SEMA3D: variants seen among roughly 807,000 people sequenced by gnomAD.
SEMA3D encodes semaphorin-3D.
In SEMA3D, 84 loss-of-function variants were observed where a neutral mutation model predicts 100.1. The ratio of observed to expected loss-of-function variants is 0.84; its 90% confidence interval spans 0.70 to 1.01. The LOEUF is 1.01. Ranked by LOEUF, SEMA3D falls within the 50% of genes least tolerant of loss-of-function variation. SEMA3D has a pLI of 0.00. For missense variants in SEMA3D, 875 were observed against 934.1 expected, an observed-to-expected ratio of 0.94 and a Z score of 0.82; for synonymous variants, 312 against 320.7, an observed-to-expected ratio of 0.97 and a Z score of 0.29.
intron 15 of SEMA3D, among the ~76,000 whole-genome samples, chr7:85,017,888 A>G (rs2115824724): frequency 6.6e-6 from 1 of 151,824 alleles, no homozygotes; most frequent in East Asian, 2.0e-4. Context: ...GGCTGCCACC[A>G]CAGTTCATAT....
chr7:85,234,965 CT>C, the SEMA3D span, among the ~76,000 whole-genome samples: 5 of 152,124 alleles, frequency 3.3e-5, no homozygotes, highest in Non-Finnish European at 7.4e-5. Flanking sequence ...AACACTGATT[CT>C]TAAGGAATTT....
chr7:85,148,081 T>C (rs978873192), intron 2 of SEMA3D, among the ~76,000 whole-genome samples: 1 of 152,108 alleles, frequency 6.6e-6, no homozygotes, highest in African/African-American at 2.4e-5. Context: ...TTTAAAGGTA[T>C]GGAAACTTGA....
chr7:85,123,982 T>C (rs1233999738), intron 2 of SEMA3D, among the ~76,000 whole-genome samples: 1 of 152,052 alleles, frequency 6.6e-6, no homozygotes, highest in Non-Finnish European at 1.5e-5. Context: ...CAGCCCTTTA[T>C]GAAAATTTTA....
At chr7:85,126,398 G>A (rs1042536095) in intron 2 of SEMA3D, among the ~76,000 whole-genome samples, 5 of 111,088 alleles carry the variant, frequency 4.5e-5, no homozygotes, top group African/African-American at 2.0e-4. Context: ...GTGTGTGTGT[G>A]TGTGTCGTGT....
At chr7:85,034,593 C>T (rs577378308) in intron 12 of SEMA3D, among the ~76,000 whole-genome samples, 105 of 151,862 alleles carry the variant, frequency 6.9e-4, no homozygotes, top group Middle Eastern at 6.8e-3. Context: ...GGCAACAGAG[C>T]GAGACTCTGA....
chr7:85,117,522 T>A (rs1409890695), intron 3 of SEMA3D, among the ~76,000 whole-genome samples: 1 of 152,152 alleles, frequency 6.6e-6, no homozygotes, highest in East Asian at 1.9e-4. Flanking sequence ...CTCACTCCTA[T>A]AAGCCCAGCA....
the SEMA3D span, among the ~76,000 whole-genome samples, chr7:85,233,151 A>G: frequency 6.6e-6 from 1 of 152,084 alleles, no homozygotes; most frequent in Non-Finnish European, 1.5e-5. Flanking sequence ...TGAGGAAATC[A>G]TTTTTCCTAT....
chr7:85,157,699 C>T (rs768973743), intron 1 of SEMA3D: 1 of 952,610 alleles, frequency 1.0e-6, no homozygotes, highest in African/African-American at 1.8e-5. Flanking sequence ...CCAACAAAGG[C>T]TCTGCTGGGC....
intron 12 of SEMA3D, among the ~76,000 whole-genome samples, chr7:85,035,501 C>T (rs1194492401): frequency 1.3e-5 from 2 of 151,904 alleles, no homozygotes; most frequent in South Asian, 2.1e-4. Flanking sequence ...ATAAACACTG[C>T]ATGATTCCAC....
chr7:85,095,637 A>C (rs1788526153), intron 4 of SEMA3D, among the ~76,000 whole-genome samples: 1 of 152,058 alleles, frequency 6.6e-6, no homozygotes, highest in African/African-American at 2.4e-5. Context: ...GCTACTGTGG[A>C]GTATCTTTAG....
chr7:85,241,705 TA>T, the SEMA3D span, among the ~76,000 whole-genome samples: 2 of 150,914 alleles, frequency 1.3e-5, no homozygotes, highest in Non-Finnish European at 3.0e-5. Flanking sequence ...GATAAAAAAC[TA>T]AAAATTGGGT....
At chr7:85,221,596 A>C in the SEMA3D span, among the ~76,000 whole-genome samples, 1 of 152,148 alleles carries the variant, frequency 6.6e-6, no homozygotes, top group African/African-American at 2.4e-5. Flanking sequence ...TATAAAACAG[A>C]TAGCTAAGTG....
At chr7:85,047,195 T>A (rs1024875900) in intron 9 of SEMA3D, among the ~76,000 whole-genome samples, 1 of 151,894 alleles carries the variant, frequency 6.6e-6, no homozygotes, top group Admixed American at 6.6e-5. Context: ...AACCACAATT[T>A]GCAATCCTTC....
At chr7:85,076,261 G>A (rs1206425009) in intron 5 of SEMA3D, among the ~76,000 whole-genome samples, 3 of 152,104 alleles carry the variant, frequency 2.0e-5, no homozygotes, top group Non-Finnish European at 2.9e-5. Context: ...AAGAAAAAGG[G>A]AAGAGGGGGA....
the SEMA3D span, among the ~76,000 whole-genome samples, chr7:85,205,870 C>A: frequency 6.6e-6 from 1 of 152,094 alleles, no homozygotes; most frequent in Non-Finnish European, 1.5e-5. Context: ...CTGTCTCAGG[C>A]TTGTCTCAGC....
At chr7:85,200,852 G>T in the SEMA3D span, among the ~76,000 whole-genome samples, 102,017 of 152,070 alleles carry the variant, frequency 0.67, 35,060 homozygotes, top group East Asian at 0.92. Flanking sequence ...AGGGACTTGG[G>T]GCCCTGCATC....
intron 2 of SEMA3D, chr7:85,142,087 G>T: frequency 1.0e-6 from 1 of 983,770 alleles, no homozygotes; most frequent in Non-Finnish European, 1.2e-6. Flanking sequence ...TACAGAAGTT[G>T]GCAATGCATT....
At chr7:85,118,319 G>A (rs1789303599) in intron 3 of SEMA3D, among the ~76,000 whole-genome samples, 1 of 152,018 alleles carries the variant, frequency 6.6e-6, no homozygotes, top group Non-Finnish European at 1.5e-5. Flanking sequence ...GTCAGCTAAT[G>A]TGAACATCTG....
chr7:85,189,464 C>A (rs1027896596), upstream of SEMA3D, among the ~76,000 whole-genome samples: 1 of 151,868 alleles, frequency 6.6e-6, no homozygotes, highest in Non-Finnish European at 1.5e-5. Context: ...TAAAATAAAA[C>A]CCAGTGGGAA....
Sources: allele counts gnomAD v4.1 joint callset (sites outside exome capture counted in the v4.1 genomes callset), GRCh38; gene constraint gnomAD v4.1.1; transcripts MANE v1.5; gene names NCBI Gene and HGNC (gene_info 2026-07-23, HGNC 2026-07-21).